The following DGKB variants were observed in gnomAD, a reference collection of about 807,000 sequenced individuals.
The protein encoded by DGKB is diacylglycerol kinase beta, also known as 90 kDa diacylglycerol kinase.
In DGKB, 67 loss-of-function variants were observed where a neutral mutation model predicts 114.3. The ratio of observed to expected loss-of-function variants is 0.59; its 90% confidence interval spans 0.48 to 0.72. The LOEUF (loss-of-function observed/expected upper bound fraction) is 0.72. Among genes scored for constraint, DGKB ranks in the 30% least tolerant of loss-of-function variants. The pLI is 0.00. For synonymous variants in DGKB, 398 were observed against 323.1 expected, an observed-to-expected ratio of 1.23 and a Z score of -2.49; for missense variants, 907 against 975.2, an observed-to-expected ratio of 0.93 and a Z score of 0.93.
intron 21 of DGKB, among the ~76,000 whole-genome samples, chr7:14,448,940 T>G (rs546169909): frequency 1.3e-5 from 2 of 152,172 alleles, no homozygotes; most frequent in African/African-American, 4.8e-5. Context: ...AAGAAGAATT[T>G]TCAGCAGTAT....
intron 1 of DGKB, among the ~76,000 whole-genome samples, chr7:14,864,847 C>T (rs1239085065): frequency 2.0e-5 from 3 of 150,844 alleles, no homozygotes; most frequent in Admixed American, 1.3e-4. Flanking sequence ...AGACTTAATC[C>T]TTTAGGGATG....
chr7:14,747,219 G>A (rs559769612), intron 4 of DGKB, among the ~76,000 whole-genome samples: 3 of 144,004 alleles, frequency 2.1e-5, no homozygotes, highest in Non-Finnish European at 4.5e-5. Flanking sequence ...CTAAGAGAAG[G>A]TCTCTCTCTG....
chr7:14,754,160 T>A (rs1475461025), intron 3 of DGKB, among the ~76,000 whole-genome samples: 1 of 152,032 alleles, frequency 6.6e-6, no homozygotes, highest in Non-Finnish European at 1.5e-5. Flanking sequence ...GACCCCCACC[T>A]CAGAAACACT....
chr7:14,249,335 G>A (rs906862621), intron 23 of DGKB, among the ~76,000 whole-genome samples: 37 of 152,196 alleles, frequency 2.4e-4, no homozygotes, highest in African/African-American at 8.2e-4. Flanking sequence ...TGGCTTTGTT[G>A]TCAGTGTAAT....
chr7:14,837,737 G>A (rs1353710949), intron 2 of DGKB, among the ~76,000 whole-genome samples: 1 of 152,078 alleles, frequency 6.6e-6, no homozygotes, highest in Non-Finnish European at 1.5e-5. Context: ...CATGCATATT[G>A]AACAGCATGA....
intron 21 of DGKB, among the ~76,000 whole-genome samples, chr7:14,357,127 C>T (rs898828643): frequency 6.6e-6 from 1 of 152,168 alleles, no homozygotes; most frequent in South Asian, 2.1e-4. Context: ...TGGTGCAGAA[C>T]TGAGTTCATG....
chr7:14,208,401 G>A (rs1389698292), intron 23 of DGKB, among the ~76,000 whole-genome samples: 4 of 152,010 alleles, frequency 2.6e-5, no homozygotes, highest in Non-Finnish European at 2.9e-5. Context: ...GGATAAAGAA[G>A]TATATTCTAC....
intron 13 of DGKB, among the ~76,000 whole-genome samples, chr7:14,648,307 C>T (rs186856049): frequency 0.021 from 3,199 of 152,258 alleles, 110 homozygotes; most frequent in African/African-American, 0.073. Flanking sequence ...TGAGAACGGG[C>T]AGACTGCCTC....
At chr7:14,520,703 C>A (rs980010823) in intron 20 of DGKB, among the ~76,000 whole-genome samples, 1 of 151,752 alleles carries the variant, frequency 6.6e-6, no homozygotes. Flanking sequence ...TGATGTCAGT[C>A]TTTTTATATT....
intron 3 of DGKB, 115 bp from the exon 4 acceptor site, chr7:14,754,063 C>T (rs1834502903): frequency 1.3e-6 from 1 of 742,526 alleles, no homozygotes. Context: ...GATTTTAAAA[C>T]ACACCCTAGA....
chr7:14,168,258 T>C (rs778934698), intron 25 of DGKB, among the ~76,000 whole-genome samples: 37 of 152,186 alleles, frequency 2.4e-4, no homozygotes, highest in Middle Eastern at 3.4e-3. Context: ...AGATATCCAA[T>C]GTAAACAATA....
rs1584532737 is a variant in DGKB at position 14,520,030 on chromosome 7, A to T, written c.1771-41805T>A. Among the ~76,000 whole-genome samples, 2 of 151,912 alleles carry T rather than the reference A, an allele frequency of 1.3e-5. 1 individual carries two copies. The highest frequency in any genetic ancestry group is 3.9e-4 in the East Asian group (2 of 5,172). On this transcript the variant is annotated intron_variant, in intron 20 of 25. Transcript: ENST00000402815. Reference sequence around the variant, plus strand: ...ATTTTCTTAATGGTATCTTTTAAAGAACAAATAGTTTTAATTTTATCAGAT... The same window carrying T: ...ATTTTCTTAATGGTATCTTTTAAAGTACAAATAGTTTTAATTTTATCAGAT...
chr7:14,944,396 A>G (rs1785745218), intron 1 of DGKB, among the ~76,000 whole-genome samples: 1 of 151,932 alleles, frequency 6.6e-6, no homozygotes, highest in Non-Finnish European at 1.5e-5. Flanking sequence ...CTGATGACAA[A>G]GGATTTTGAA....
chr7:14,274,229 T>C (rs1267462100), intron 23 of DGKB, among the ~76,000 whole-genome samples: 3 of 152,208 alleles, frequency 2.0e-5, no homozygotes, highest in Admixed American at 6.5e-5. Context: ...CTCTTGGCAC[T>C]GTACTCAGGA....
intron 13 of DGKB, among the ~76,000 whole-genome samples, chr7:14,644,566 A>G (rs988220253): frequency 4.6e-5 from 7 of 152,190 alleles, no homozygotes; most frequent in African/African-American, 1.4e-4. Flanking sequence ...AAATATAAAA[A>G]GTACAGTTGA....
At chr7:14,527,997 T>C (rs73287732) in intron 20 of DGKB, among the ~76,000 whole-genome samples, 9 of 152,162 alleles carry the variant, frequency 5.9e-5, no homozygotes, top group Admixed American at 3.3e-4. Flanking sequence ...TAATTTTAAA[T>C]GGTTTGTTAG....
At chr7:14,188,684 A>AAG (rs1783843353) in intron 23 of DGKB, among the ~76,000 whole-genome samples, 1 of 150,552 alleles carries the variant, frequency 6.6e-6, no homozygotes, top group African/African-American at 2.4e-5. Context: ...AAAAAAAAAA[A>AAG]AGATCCCCAA....
chr7:14,155,170 C>T lies in DGKB; in HGVS notation c.2305-5932G>A, dbSNP rs553204838. Among the ~76,000 whole-genome samples, 294 of 152,082 alleles carry T rather than the reference C, an allele frequency of 1.9e-3. 1 individual carries two copies. The highest frequency in any genetic ancestry group is 3.6e-3 in the Non-Finnish European group (244 of 67,970). ...AATAAGAATCTGTTGACTGACTGAC[C>T]AACTGAATAAATGAATGAATGAAAG... On this transcript the variant is annotated intron_variant, in intron 25 of 25. Coordinates refer to ENST00000402815, the MANE Select transcript of DGKB (RefSeq NM_001350709.2).
At chr7:14,939,094 CTCTTTA>C (rs1024094302) in intron 1 of DGKB, among the ~76,000 whole-genome samples, 9 of 151,976 alleles carry the variant, frequency 5.9e-5, no homozygotes, top group African/African-American at 1.9e-4. Flanking sequence ...TTTTCTATTT[CTCTTTA>C]TCTTTAATAT....
Sources: gnomAD v4.1 joint callset for allele counts (sites outside exome capture counted in the v4.1 genomes callset) on GRCh38, gnomAD v4.1.1 for gene constraint, MANE v1.5 for transcripts, NCBI Gene and HGNC (gene_info 2026-07-23, HGNC 2026-07-21) for gene names.